The following CEP170 variants were observed in gnomAD, a reference collection of about 807,000 sequenced individuals.
The protein encoded by CEP170 is centrosomal protein 170, also known as centrosomal protein of 170 kDa.
CEP170 carries 21 observed loss-of-function variants against 151.9 expected under a neutral mutation model. The observed-to-expected ratio is 0.14, with a 90% CI of 0.10 to 0.20. CEP170 has a LOEUF of 0.20. Ranked by LOEUF, CEP170 falls within the 10% of genes least tolerant of loss-of-function variation. CEP170 has a pLI of 1.00. For synonymous variants in CEP170, 356 were observed against 648.8 expected (o/e 0.55, Z 6.86); for missense variants, 964 against 1,892.9 (o/e 0.51, Z 9.11).
chr1:243,189,081 C>T (rs1395065682), intron 8 of CEP170, among the ~76,000 whole-genome samples: 1 of 152,072 alleles, frequency 6.6e-6, no homozygotes, highest in African/African-American at 2.4e-5. Flanking sequence ...TGTATGTCTA[C>T]CTATAAATCA....
At chr1:243,238,806 C>G (rs905080017) in intron 1 of CEP170, among the ~76,000 whole-genome samples, 1 of 152,154 alleles carries the variant, frequency 6.6e-6, no homozygotes, top group Admixed American at 6.6e-5. Context: ...ATGGTGCTAA[C>G]GGTTCATGGT....
At chr1:243,252,233 C>T (rs557768795) in intron 1 of CEP170, among the ~76,000 whole-genome samples, 1 of 152,230 alleles carries the variant, frequency 6.6e-6, no homozygotes, top group East Asian at 1.9e-4. Flanking sequence ...TGTACAGATA[C>T]TTTAGTTAGC....
At chr1:243,161,031 C>A (rs1257550213) in intron 13 of CEP170, among the ~76,000 whole-genome samples, 1 of 150,286 alleles carries the variant, frequency 6.7e-6, no homozygotes, top group East Asian at 1.9e-4. Flanking sequence ...TATCAAGAAT[C>A]ACTGAAGGAG....
Position 243,129,383 on chromosome 1 carries a change from G to T in CEP170, c.4390C>A (p.Pro1464Thr), listed in dbSNP as rs2054102432. 6.3e-7 allele frequency: 1 copy of T among 1,595,284 alleles called. No individual in the cohort carries two copies. The highest frequency in any genetic ancestry group is 8.5e-7 in the Non-Finnish European group (1 of 1,170,484). Reference sequence around the variant, plus strand: ...ACCATGCTTGAGGTTTTCACAATAGGGACTTCACTTTCGGCTCTTAATTTG... The same window carrying T: ...ACCATGCTTGAGGTTTTCACAATAGTGACTTCACTTTCGGCTCTTAATTTG... ...ESKLRAESEV[P>T]IVKTSSMEIS... The change falls in exon 18 of 20, where the codon CCT becomes ACT. Residue 1464 changes from proline to threonine, a missense_variant. Transcript: ENST00000366542.
rs189177555 is a variant in CEP170 at position 243,177,243 on chromosome 1, A to G, written c.1567-4397T>C. Among the ~76,000 whole-genome samples, 43 of 152,370 alleles carry G rather than the reference A, an allele frequency of 2.8e-4. No individual in the cohort carries two copies. The East Asian group carries it at 8.1e-3, about 29-fold the overall frequency. Reference sequence around the variant, plus strand: ...AAGCGCCGTGGGGTAAGATGTAGGCATAAAACTATAGTAATACAATGTAGA... The same window carrying G: ...AAGCGCCGTGGGGTAAGATGTAGGCGTAAAACTATAGTAATACAATGTAGA... On this transcript the variant is annotated intron_variant, in intron 10 of 19. Transcript: ENST00000366542.
intron 11 of CEP170, among the ~76,000 whole-genome samples, chr1:243,170,708 C>T (rs1364516777): frequency 8.6e-5 from 13 of 151,968 alleles, no homozygotes; most frequent in Admixed American, 6.6e-4. Flanking sequence ...GCAGGGGAAT[C>T]GCGTGAACCC....
chr1:243,201,525 C>A (rs557215748), intron 4 of CEP170, among the ~76,000 whole-genome samples: 53 of 152,248 alleles, frequency 3.5e-4, no homozygotes, highest in Admixed American at 5.2e-4. Context: ...GGTCACATTT[C>A]CCACCATTAC....
At chr1:243,226,730 C>T (rs997199989) in intron 1 of CEP170, among the ~76,000 whole-genome samples, 8 of 152,172 alleles carry the variant, frequency 5.3e-5, no homozygotes, top group Non-Finnish European at 8.8e-5. Context: ...TGGCTCACGC[C>T]GGTAATCCCA....
At chr1:243,153,741 T>A (rs975211107) in intron 14 of CEP170, among the ~76,000 whole-genome samples, 7 of 152,222 alleles carry the variant, frequency 4.6e-5, no homozygotes, top group African/African-American at 1.7e-4. Flanking sequence ...AAAAACTGTG[T>A]GACTTGCTTT....
intron 1 of CEP170, among the ~76,000 whole-genome samples, chr1:243,245,223 T>G (rs1228605420): frequency 6.6e-6 from 1 of 152,026 alleles, no homozygotes; most frequent in Non-Finnish European, 1.5e-5. Flanking sequence ...TTTAAAAAAA[T>G]GTCAAGTGTT....
chr1:243,228,305 T>C (rs1160445041), intron 1 of CEP170, among the ~76,000 whole-genome samples: 1 of 152,202 alleles, frequency 6.6e-6, no homozygotes, highest in East Asian at 1.9e-4. Flanking sequence ...GCTACAACAA[T>C]CAACTCGTAC....
intron 17 of CEP170, among the ~76,000 whole-genome samples, chr1:243,134,877 T>G (rs955444035): frequency 6.6e-6 from 1 of 151,978 alleles, no homozygotes; most frequent in Admixed American, 6.6e-5. Context: ...ACTCATACTC[T>G]TTGGGGAAAG....
intron 14 of CEP170, among the ~76,000 whole-genome samples, chr1:243,144,879 T>A (rs2056281842): frequency 6.6e-6 from 1 of 152,184 alleles, no homozygotes; most frequent in African/African-American, 2.4e-5. Flanking sequence ...CTAGCATTAG[T>A]CCTAGTCTTT....
In CEP170 at chr1:243,124,545, T is replaced by G. The variant is rs1241605109; in HGVS notation, c.*1904A>C. The G allele has an allele frequency of 1.1e-4, 17 of 152,554 alleles. No individual in the cohort carries two copies. Among genetic ancestry groups the G allele is most frequent in the African/African-American group, 3.4e-4 (14 of 41,438 alleles). 9.5% of individuals were successfully genotyped at this position (152,554 alleles called of 1,614,324 possible). ...ATAATGTATTCATACAAAATAAAAATAACATAGTAAAAGGCCAAATGTTTA... is the reference window on the plus strand; with the variant it reads ...ATAATGTATTCATACAAAATAAAAAGAACATAGTAAAAGGCCAAATGTTTA... On this transcript the variant is annotated 3_prime_UTR_variant, in exon 20 of 20. Transcript: ENST00000366542.
At chr1:243,181,477 T>A (rs2059614043) in intron 10 of CEP170, among the ~76,000 whole-genome samples, 1 of 152,196 alleles carries the variant, frequency 6.6e-6, no homozygotes, top group Non-Finnish European at 1.5e-5. Context: ...TGTAATCTCA[T>A]AACTTGGCGA....
chr1:243,251,111 T>C (rs2149203610), intron 1 of CEP170, among the ~76,000 whole-genome samples: 1 of 152,242 alleles, frequency 6.6e-6, no homozygotes, highest in Admixed American at 6.5e-5. Flanking sequence ...TTGCAACCAG[T>C]GGGAAGAAGT....
chr1:243,163,631 C>T (rs1432310607), intron 13 of CEP170, among the ~76,000 whole-genome samples: 1 of 152,110 alleles, frequency 6.6e-6, no homozygotes, highest in Non-Finnish European at 1.5e-5. Flanking sequence ...TTTCTACAGC[C>T]CAGTTTGGCC....
chr1:243,182,546 C>T (rs2059688449), intron 10 of CEP170, among the ~76,000 whole-genome samples: 3 of 152,208 alleles, frequency 2.0e-5, no homozygotes, highest in South Asian at 2.1e-4. Flanking sequence ...GACAGTGACT[C>T]GACCATGTCA....
At chr1:243,233,575 T>C (rs1037010616) in intron 1 of CEP170, among the ~76,000 whole-genome samples, 11 of 151,370 alleles carry the variant, frequency 7.3e-5, no homozygotes, top group Admixed American at 7.2e-4. Context: ...CTATTAAAAA[T>C]ACAAAAAATT....
Sources: gnomAD v4.1 joint callset for allele counts (sites outside exome capture counted in the v4.1 genomes callset) on GRCh38, gnomAD v4.1.1 for gene constraint, MANE v1.5 for transcripts, NCBI Gene and HGNC (gene_info 2026-07-23, HGNC 2026-07-21) for gene names.